Variants in ATP10B observed in about 807,000 individuals in gnomAD.
ATP10B encodes the protein ATPase phospholipid transporting 10B (putative), also known as phospholipid-transporting ATPase VB.
Under a neutral mutation model 141.2 loss-of-function variants are expected in ATP10B, and 122 were observed. The ratio of observed to expected loss-of-function variants is 0.86; its 90% CI spans 0.75 to 1.00. ATP10B has a LOEUF of 1.00. Ranked by LOEUF, ATP10B falls within the 50% of genes least tolerant of loss-of-function variation. The pLI is 0.00. For synonymous variants in ATP10B, 685 were observed against 692.0 expected (o/e 0.99, Z 0.16); for missense variants, 1,876 against 1,825.3 (o/e 1.03, Z -0.51).
intron 1 of ATP10B, among the ~76,000 whole-genome samples, chr5:160,841,544 T>G (rs1279238038): frequency 6.6e-6 from 1 of 152,062 alleles, no homozygotes; most frequent in African/African-American, 2.4e-5. Context: ...GTTCTCTATA[T>G]TCAATAAAAA....
rs1307757972 is a variant in ATP10B, at chr5:160,785,598, C to T, written c.-370G>A. On this transcript the variant is annotated 5_prime_UTR_variant, in exon 2 of 26. Transcript: ENST00000327245. The stretch of plus-strand genomic sequence containing the variant: ...TCAAGTCTTGTTCCTCTTTCTCCTT[C>T]CCTCCTTTTTGAAGTCTCAGTGTTT... The T allele has an allele frequency of 9.6e-7, 1 of 1,042,062 alleles. No individual in the cohort carries two copies. Among genetic ancestry groups the T allele is most frequent in the Non-Finnish European group, 1.3e-6 (1 of 763,542 alleles). The allele number at this position is 1,042,062 out of a possible 1,614,324, so 64.6% of individuals were successfully genotyped here. A position where few individuals can be genotyped will look rare whatever the true frequency, so the allele number is the denominator to read the frequency against.
intron 21 of ATP10B, among the ~76,000 whole-genome samples, chr5:160,599,366 A>G (rs1189286251): frequency 1.3e-5 from 2 of 152,352 alleles, no homozygotes; most frequent in East Asian, 1.9e-4. Flanking sequence ...GACTTGGTGT[A>G]CTATGATGGT....
chr5:160,745,162 C>A (rs17489846), intron 2 of ATP10B, among the ~76,000 whole-genome samples: 2,157 of 152,266 alleles, frequency 0.014, 33 homozygotes, highest in Middle Eastern at 0.041. Context: ...TATTGTTATG[C>A]CTTAGTAAAA....
chr5:160,631,972 T>C lies in ATP10B; in HGVS notation c.1620+157A>G, dbSNP rs146057022. Among the ~76,000 whole-genome samples the C allele has an allele frequency of 2.1e-3, 326 of 152,360 alleles. 1 individual carries two copies. The highest frequency in any genetic ancestry group is 7.1e-3 in the African/African-American group (297 of 41,594). ...ATTTCTAATGAACAAGAATTGTCTA[T>C]GCCAACAAAACACATGTGTGGAGTA... On this transcript the variant is annotated intron_variant, in intron 13 of 25. Coordinates refer to ENST00000327245, the MANE Select transcript of ATP10B (RefSeq NM_025153.3).
At chr5:160,640,122 A>G (rs1002691858) in intron 10 of ATP10B, among the ~76,000 whole-genome samples, 26 of 152,246 alleles carry the variant, frequency 1.7e-4, no homozygotes, top group Non-Finnish European at 2.8e-4. Flanking sequence ...AACAGAATAA[A>G]TTTGTGTTGT....
intron 14 of ATP10B, among the ~76,000 whole-genome samples, chr5:160,621,650 G>T (rs77462584): frequency 0.01 from 1,572 of 152,312 alleles, 21 homozygotes; most frequent in African/African-American, 0.036. Context: ...GGGAGGTTGT[G>T]GTTTAGTGCC....
intron 1 of ATP10B, among the ~76,000 whole-genome samples, chr5:160,832,026 C>T (rs1045542130): frequency 5.3e-5 from 8 of 152,214 alleles, no homozygotes; most frequent in African/African-American, 1.9e-4. Flanking sequence ...AGCCAGTTTG[C>T]TTCTCTGGTC....
At position 160,768,131 on chromosome 5, in the gene ATP10B, C is replaced by A. The variant is rs115337703; in HGVS notation, c.-331+17428G>T. Among the ~76,000 whole-genome samples the A allele has an allele frequency of 5.7e-3, 870 of 152,230 alleles. 4 individuals carry two copies. The highest frequency in any genetic ancestry group is 0.01 in the Middle Eastern group (3 of 294). On this transcript the variant is annotated intron_variant, in intron 2 of 25. Coordinates refer to ENST00000327245, the MANE Select transcript of ATP10B (RefSeq NM_025153.3). ...ACCCTGGAATCTTGGTCATTACCAT[C>A]ATTGTCATCTTCCTCTTATTTCTTC...
intron 1 of ATP10B, among the ~76,000 whole-genome samples, chr5:160,821,743 G>C (rs189360791): frequency 2.6e-4 from 40 of 152,072 alleles, no homozygotes; most frequent in African/African-American, 9.2e-4. Flanking sequence ...AAGGTGCAAA[G>C]AACATACAGT....
intron 3 of ATP10B, among the ~76,000 whole-genome samples, chr5:160,715,686 T>G (rs1340382731): frequency 6.8e-6 from 1 of 146,582 alleles, no homozygotes; most frequent in Non-Finnish European, 1.5e-5. Context: ...GAATTTAGCT[T>G]GCTTTATTTA....
chr5:160,918,407 T>G, the ATP10B span, among the ~76,000 whole-genome samples: 2 of 152,260 alleles, frequency 1.3e-5, no homozygotes, highest in East Asian at 1.9e-4. Flanking sequence ...ATCTGAGCTC[T>G]GAAGGGTTAA....
intron 11 of ATP10B, 33 bp from the exon 12 acceptor site, chr5:160,634,639 C>A (rs570339792): frequency 1.9e-6 from 3 of 1,565,590 alleles, no homozygotes; most frequent in African/African-American, 2.7e-5. Context: ...CATTCAGAAA[C>A]CAGGCAGGTT....
the ATP10B span, among the ~76,000 whole-genome samples, chr5:160,887,053 T>C: frequency 2.0e-5 from 3 of 152,312 alleles, no homozygotes; most frequent in East Asian, 1.9e-4. Context: ...GACAGAATTA[T>C]GAAAAGCATT....
At chr5:160,659,711 A>G (rs1761783524) in intron 7 of ATP10B, among the ~76,000 whole-genome samples, 1 of 152,086 alleles carries the variant, frequency 6.6e-6, no homozygotes, top group Non-Finnish European at 1.5e-5. Flanking sequence ...AAATAAAAGT[A>G]ACAGTTTTTC....
At chr5:160,575,665 C>G (rs780443886) in intron 24 of ATP10B, among the ~76,000 whole-genome samples, 1 of 151,960 alleles carries the variant, frequency 6.6e-6, no homozygotes, top group Non-Finnish European at 1.5e-5. Context: ...CCACTAAATT[C>G]TTTTTTTCTT....
At chr5:160,581,907 CTTCT>C (rs200423028) in intron 24 of ATP10B, among the ~76,000 whole-genome samples, 4,964 of 152,148 alleles carry the variant, frequency 0.033, 268 homozygotes, top group African/African-American at 0.11. Flanking sequence ...ATGTAATGCC[CTTCT>C]TTGTCTTTTT....
the ATP10B span, among the ~76,000 whole-genome samples, chr5:160,917,014 G>A: frequency 6.6e-6 from 1 of 152,206 alleles, no homozygotes; most frequent in Non-Finnish European, 1.5e-5. Flanking sequence ...GTGCAAAGGT[G>A]TGTTAAGATA....
intron 6 of ATP10B, among the ~76,000 whole-genome samples, chr5:160,677,321 G>A (rs1196576111): frequency 6.6e-6 from 1 of 152,216 alleles, no homozygotes; most frequent in Non-Finnish European, 1.5e-5. Context: ...ATGGGCACCT[G>A]CAAAATGGAT....
chr5:160,685,296 T>G (rs1271893055), intron 6 of ATP10B: 1 of 578,820 alleles, frequency 1.7e-6, no homozygotes, highest in East Asian at 2.9e-5. Flanking sequence ...TGAAAATTTT[T>G]CTCTCTTCTT....
Sources: gnomAD v4.1 joint callset for allele counts (sites outside exome capture counted in the v4.1 genomes callset) on GRCh38, gnomAD v4.1.1 for gene constraint, MANE v1.5 for transcripts, NCBI Gene and HGNC (gene_info 2026-07-23, HGNC 2026-07-21) for gene names.